The following MAP4 variants were observed in gnomAD, a reference collection of about 807,000 sequenced individuals.
MAP4 encodes microtubule-associated protein 4.
In MAP4, 76 loss-of-function variants were observed where a neutral mutation model predicts 170.2. The observed-to-expected ratio is 0.45, with a 90% CI of 0.37 to 0.54. The LOEUF (loss-of-function observed/expected upper bound fraction) is 0.54, where lower values mean the gene tolerates loss of function less well. Ranked by LOEUF, MAP4 falls within the 20% of genes least tolerant of loss-of-function variation. MAP4 has a pLI of 0.00. For synonymous variants in MAP4, 909 were observed against 994.5 expected (o/e 0.91, Z 1.62); for missense variants, 2,506 against 2,748.0 (o/e 0.91, Z 1.97).
At position 47,875,478 on chromosome 3, in the gene MAP4, T is replaced by A. The variant is rs546647265; in HGVS notation, c.5757+207A>T. Among the ~76,000 whole-genome samples, 3 of 152,334 alleles carry A rather than the reference T, an allele frequency of 2.0e-5. No individual in the cohort carries two copies. The South Asian group carries it at 6.2e-4, about 32-fold the overall frequency. On this transcript the variant is annotated intron_variant, in intron 12 of 20. Coordinates refer to ENST00000683076, the MANE Select transcript of MAP4 (RefSeq NM_001385682.1). The stretch of plus-strand genomic sequence containing the variant: ...GATTTCCTTTTCTTTTTTCTTTTTT[T>A]GGCTGCTCCTCGTGGAGCAGGGCTA...
intron 10 of MAP4, chr3:47,891,348 T>G: frequency 6.5e-7 from 1 of 1,536,152 alleles, no homozygotes; most frequent in South Asian, 1.2e-5. Flanking sequence ...AAAGGAGGTA[T>G]CTCTTTAGTA....
chr3:48,010,256 G>C (rs1163609236), intron 1 of MAP4, among the ~76,000 whole-genome samples: 1 of 152,188 alleles, frequency 6.6e-6, no homozygotes, highest in East Asian at 1.9e-4. Context: ...GGTAGAAGAA[G>C]GTAGTCATCA....
intron 10 of MAP4, chr3:47,892,308 T>C (rs1021195283): frequency 2.0e-6 from 3 of 1,536,272 alleles, no homozygotes; most frequent in Admixed American, 2.0e-5. Flanking sequence ...AGCCCATCTT[T>C]TGGTTGCCCG....
intron 1 of MAP4, among the ~76,000 whole-genome samples, chr3:48,022,726 G>A (rs1438124266): frequency 2.0e-5 from 3 of 151,940 alleles, no homozygotes; most frequent in South Asian, 2.1e-4. Context: ...CCGTCTCTAC[G>A]AAAAACACAA....
At chr3:47,979,288 CAG>C (rs1345878149) in intron 2 of MAP4, among the ~76,000 whole-genome samples, 2 of 151,820 alleles carry the variant, frequency 1.3e-5, no homozygotes, top group African/African-American at 4.8e-5. Context: ...GTAATTATTA[CAG>C]AGTCATTTGT....
intron 1 of MAP4, among the ~76,000 whole-genome samples, chr3:48,050,604 TAAA>T (rs58604865): frequency 7.2e-6 from 1 of 139,738 alleles, no homozygotes; most frequent in Non-Finnish European, 1.6e-5. Flanking sequence ...ATCATAAACT[TAAA>T]AAAAAAAAAA....
intron 1 of MAP4, among the ~76,000 whole-genome samples, chr3:48,028,172 G>A (rs1220062107): frequency 6.6e-6 from 1 of 152,086 alleles, no homozygotes; most frequent in Non-Finnish European, 1.5e-5. Flanking sequence ...CACGCCTATA[G>A]TCCCAACTAC....
chr3:48,007,215 G>T (rs984409801), intron 1 of MAP4, among the ~76,000 whole-genome samples: 1 of 152,184 alleles, frequency 6.6e-6, no homozygotes, highest in African/African-American at 2.4e-5. Context: ...AAATAAATCC[G>T]ACTAAAATTC....
At chr3:48,011,988 C>A (rs1323817301) in intron 1 of MAP4, among the ~76,000 whole-genome samples, 1 of 152,186 alleles carries the variant, frequency 6.6e-6, no homozygotes, top group Non-Finnish European at 1.5e-5. Flanking sequence ...GGAAACTGTC[C>A]TGGGTAAATC....
In MAP4 at chr3:48,011,547, C is replaced by G. The variant is rs997083988; in HGVS notation, c.-20+4787G>C. ...CAGCCTACGTAACAGAGCAAGACTC[C>G]GTCTCAAAAAAAAAAAAAAAAGTTC... On this transcript the variant is annotated intron_variant, in intron 1 of 20. Coordinates refer to ENST00000683076, the MANE Select transcript of MAP4 (RefSeq NM_001385682.1). Among the ~76,000 whole-genome samples the G allele has an allele frequency of 2.7e-5, 4 of 148,572 alleles. No homozygotes were observed. The East Asian group carries it at 7.8e-4, about 29-fold the overall frequency.
At chr3:48,057,655 A>G (rs979374677) in intron 1 of MAP4, among the ~76,000 whole-genome samples, 1 of 150,906 alleles carries the variant, frequency 6.6e-6, no homozygotes, top group Admixed American at 6.6e-5. Flanking sequence ...AGAAAAAAAA[A>G]AAAAAGTAAG....
chr3:47,864,402 T>C (rs2075642158), intron 17 of MAP4, among the ~76,000 whole-genome samples: 1 of 151,610 alleles, frequency 6.6e-6, no homozygotes, highest in Non-Finnish European at 1.5e-5. Context: ...TTAGCCCAGG[T>C]GCGGTGGCTC....
intron 3 of MAP4, among the ~76,000 whole-genome samples, chr3:47,970,772 G>A (rs1427352787): frequency 6.6e-6 from 1 of 152,112 alleles, no homozygotes; most frequent in Non-Finnish European, 1.5e-5. Context: ...ACCTAAGATC[G>A]TGCCATTGCA....
chr3:48,075,422 C>G (rs530423035), intron 1 of MAP4, among the ~76,000 whole-genome samples: 3 of 151,516 alleles, frequency 2.0e-5, no homozygotes, highest in Non-Finnish European at 4.4e-5. Flanking sequence ...CTACTCAAGA[C>G]GCAGAGGCAG....
chr3:48,052,529 T>C (rs1238424152), intron 1 of MAP4, among the ~76,000 whole-genome samples: 1 of 152,164 alleles, frequency 6.6e-6, no homozygotes, highest in Non-Finnish European at 1.5e-5. Context: ...GCCTGAGTAA[T>C]GAAAATGTTC....
chr3:47,870,696 A>ATGCT, intron 15 of MAP4, 117 bp downstream of exon 15: 1 of 1,088,858 alleles, frequency 9.2e-7, no homozygotes, highest in Non-Finnish European at 1.3e-6. Flanking sequence ...AAATACCCTG[A>ATGCT]TGCTGAGTCC....
chr3:47,875,442 G>C (rs1290762765), intron 12 of MAP4, among the ~76,000 whole-genome samples: 2 of 152,108 alleles, frequency 1.3e-5, no homozygotes, highest in Non-Finnish European at 2.9e-5. Flanking sequence ...TGCATCAATG[G>C]GCCCCAAATT....
At chr3:47,926,428 C>A (rs2100045998) in intron 4 of MAP4, among the ~76,000 whole-genome samples, 1 of 152,094 alleles carries the variant, frequency 6.6e-6, no homozygotes, top group Admixed American at 6.6e-5. Context: ...AGGTGATCCG[C>A]CTGCCTCGGC....
intron 3 of MAP4, among the ~76,000 whole-genome samples, chr3:47,932,181 T>C (rs1347399830): frequency 6.6e-6 from 1 of 152,230 alleles, no homozygotes; most frequent in Non-Finnish European, 1.5e-5. Flanking sequence ...AGTCACACAA[T>C]ATGTCATCTT....
Sources: gnomAD v4.1 joint callset for allele counts (sites outside exome capture counted in the v4.1 genomes callset) on GRCh38, gnomAD v4.1.1 for gene constraint, MANE v1.5 for transcripts, NCBI Gene and HGNC (gene_info 2026-07-23, HGNC 2026-07-21) for gene names.